Variants in TNNI3K observed in about 807,000 individuals in gnomAD.
TNNI3K encodes the protein serine/threonine-protein kinase TNNI3K.
TNNI3K carries 140 observed loss-of-function variants against 114.5 expected under a neutral mutation model. The ratio of observed to expected loss-of-function variants is 1.22; its 90% CI spans 1.07 to 1.41. TNNI3K has a LOEUF of 1.41. Among genes scored for constraint, TNNI3K ranks in the 40% most tolerant of loss-of-function variants. TNNI3K has a pLI of 0.00. For missense variants in TNNI3K, 1,125 were observed against 1,007.6 expected, an observed-to-expected ratio of 1.12 and a Z score of -1.58; for synonymous variants, 347 against 347.5, an observed-to-expected ratio of 1.00 and a Z score of 0.02.
At chr1:74,464,708 G>A (rs913634572) in intron 21 of TNNI3K, 22 of 1,589,918 alleles carry the variant, frequency 1.4e-5, no homozygotes, top group South Asian at 2.3e-5. Flanking sequence ...AATGAAGATC[G>A]TTTTGGGATG....
At position 74,353,287 on chromosome 1, in the gene TNNI3K, C is replaced by G. The variant is rs1661476903; in HGVS notation, c.954C>G (p.Ser318Arg). 1 of 1,613,518 alleles carries G rather than the reference C, an allele frequency of 6.2e-7. No homozygotes were observed. The highest frequency in any genetic ancestry group is 1.7e-5 in the Admixed American group (1 of 59,944). The stretch of plus-strand genomic sequence containing the variant: ...TCAGTGCTTGTACCTATGGCAAGAG[C>G]ATTGACCTAGTCAAATTTCTTCTTG... ...AFHSACTYGK[S>R]IDLVKFLLDQ... The change falls in exon 10 of 25, where the codon AGC becomes AGG. Residue 318 changes from serine (S) to arginine (R), a missense_variant. By Grantham distance (110) the Ser-to-Arg change is moderately radical. Transcript: ENST00000326637.
chr1:74,369,286 T>TAAATAAATAAACACATA (rs1662460626), intron 15 of TNNI3K, 22 bp downstream of exon 15: 1 of 1,611,430 alleles, frequency 6.2e-7, no homozygotes, highest in Non-Finnish European at 8.5e-7. Context: ...AATGAAAAAA[T>TAAATAAATAAACACATA]TTAACATCCA....
chr1:74,456,337 T>G (rs1667225350), intron 20 of TNNI3K, among the ~76,000 whole-genome samples: 1 of 152,024 alleles, frequency 6.6e-6, no homozygotes. Context: ...AATTATCAGA[T>G]TAGGAGGAGA....
At chr1:74,393,291 A>G (rs555862992) in intron 17 of TNNI3K, among the ~76,000 whole-genome samples, 7 of 152,186 alleles carry the variant, frequency 4.6e-5, no homozygotes, top group Non-Finnish European at 1.0e-4. Context: ...AAAAATGAGC[A>G]TAGAAAGGAT....
chr1:74,314,920 A>T (rs1659225691), intron 5 of TNNI3K, among the ~76,000 whole-genome samples: 1 of 152,180 alleles, frequency 6.6e-6, no homozygotes, highest in Non-Finnish European at 1.5e-5. Context: ...TCAAAGGAAG[A>T]AAAGCAATTT....
intron 23 of TNNI3K, among the ~76,000 whole-genome samples, chr1:74,508,196 G>A (rs945390261): frequency 7.2e-5 from 11 of 152,204 alleles, no homozygotes; most frequent in Non-Finnish European, 1.6e-4. Flanking sequence ...GTTAATGGGT[G>A]CAGCACACCA....
chr1:74,291,393 G>C (rs1388717906), intron 5 of TNNI3K, among the ~76,000 whole-genome samples: 1 of 151,428 alleles, frequency 6.6e-6, no homozygotes, highest in Non-Finnish European at 1.5e-5. Flanking sequence ...TTATGCATGT[G>C]GCTGTTACAT....
intron 24 of TNNI3K, 78 bp downstream of exon 24, chr1:74,540,391 AGC>A (rs1217240987): frequency 7.3e-7 from 1 of 1,378,038 alleles, no homozygotes; most frequent in African/African-American, 1.5e-5. Context: ...AAAGGGAGAA[AGC>A]ATTGCATATT....
intron 21 of TNNI3K, among the ~76,000 whole-genome samples, chr1:74,488,297 CA>C (rs1331772138): frequency 1.3e-5 from 2 of 151,996 alleles, no homozygotes; most frequent in Non-Finnish European, 2.9e-5. Context: ...CCTAGAGATA[CA>C]AGGAGTATGT....
intron 6 of TNNI3K, among the ~76,000 whole-genome samples, chr1:74,333,775 C>T (rs1660332247): frequency 6.6e-6 from 1 of 152,000 alleles, no homozygotes; most frequent in South Asian, 2.1e-4. Flanking sequence ...TGTTTTGCAC[C>T]AAGAGCAATA....
At chr1:74,278,212 CT>C (rs1482492263) in intron 5 of TNNI3K, among the ~76,000 whole-genome samples, 1 of 152,116 alleles carries the variant, frequency 6.6e-6, no homozygotes, top group Non-Finnish European at 1.5e-5. Context: ...CTGCCCCAAT[CT>C]TGTGAATAGG....
intron 21 of TNNI3K, among the ~76,000 whole-genome samples, chr1:74,472,753 G>A (rs1225998691): frequency 1.3e-5 from 2 of 152,080 alleles, no homozygotes; most frequent in Non-Finnish European, 2.9e-5. Context: ...TTAAATATTT[G>A]TTAAATAAAT....
chr1:74,480,870 AG>A, intron 21 of TNNI3K: 2 of 717,426 alleles, frequency 2.8e-6, no homozygotes, highest in Non-Finnish European at 5.2e-6. Flanking sequence ...CTGCTTAGGG[AG>A]AGCAGGGCAA....
chr1:74,396,429 A>G (rs1664085060), intron 17 of TNNI3K, among the ~76,000 whole-genome samples: 1 of 152,224 alleles, frequency 6.6e-6, no homozygotes, highest in Non-Finnish European at 1.5e-5. Context: ...AATTTTAAAA[A>G]GAGAATGAGG....
chr1:74,436,253 A>G, intron 18 of TNNI3K, 121 bp downstream of exon 18: 1 of 1,304,146 alleles, frequency 7.7e-7, no homozygotes, highest in Admixed American at 2.3e-5. Flanking sequence ...CTGAACACTG[A>G]CAGCTATCCT....
intron 13 of TNNI3K, among the ~76,000 whole-genome samples, chr1:74,368,327 A>T (rs1662391218): frequency 6.6e-6 from 1 of 151,936 alleles, no homozygotes; most frequent in South Asian, 2.1e-4. Flanking sequence ...TATCCCCAAT[A>T]AGTAATACTT....
Position 74,506,083 on chromosome 1 carries a change from G to A in TNNI3K, c.2351+13817G>A, listed in dbSNP as rs138388459. ...GTGTCACCAGATGCTAACACAGCCCGGGTCCTAGGGGGATATGATGTAGAT... is the reference window on the plus strand; with the variant it reads ...GTGTCACCAGATGCTAACACAGCCCAGGTCCTAGGGGGATATGATGTAGAT... On this transcript the variant is annotated intron_variant, in intron 23 of 24. Transcript: ENST00000326637. Among the ~76,000 whole-genome samples the A allele has an allele frequency of 3.9e-3, 593 of 152,202 alleles. 3 individuals are homozygous for A. Among genetic ancestry groups the A allele is most frequent in the Non-Finnish European group, 7.1e-3 (483 of 68,002 alleles).
intron 21 of TNNI3K, among the ~76,000 whole-genome samples, chr1:74,487,087 A>G (rs1404436414): frequency 6.6e-6 from 1 of 152,222 alleles, no homozygotes; most frequent in Non-Finnish European, 1.5e-5. Context: ...ACAGCAATGG[A>G]ACAGTAGCTT....
At position 74,275,709 on chromosome 1, in the gene TNNI3K, G is replaced by A. The variant is rs534760149; in HGVS notation, c.444+4001G>A. ...AACAAATTGTGAAGAGTCCCTCTAGGTAAAATTAGGTGTTAAGAATAGACG... is the reference window on the plus strand; with the variant it reads ...AACAAATTGTGAAGAGTCCCTCTAGATAAAATTAGGTGTTAAGAATAGACG... On this transcript the variant is annotated intron_variant, in intron 5 of 24. Coordinates refer to ENST00000326637, the MANE Select transcript of TNNI3K (RefSeq NM_015978.3). 3.3e-5 allele frequency among the ~76,000 whole-genome samples: 5 copies of A among 152,152 alleles called. No homozygotes were observed. In the South Asian group the frequency reaches 1.0e-3, roughly 32 times the overall value.
Sources: gnomAD v4.1 joint callset for allele counts (sites outside exome capture counted in the v4.1 genomes callset) on GRCh38, gnomAD v4.1.1 for gene constraint, MANE v1.5 for transcripts, NCBI Gene and HGNC (gene_info 2026-07-23, HGNC 2026-07-21) for gene names.